The following CIB4 variants were observed in gnomAD, a reference collection of about 807,000 sequenced individuals.
CIB4 encodes calcium and integrin binding family member 4.
Under a neutral mutation model 25.8 loss-of-function variants are expected in CIB4, and 25 were observed. That is an observed-to-expected ratio of 0.97 (90% CI 0.71 to 1.35). The LOEUF (loss-of-function observed/expected upper bound fraction) is 1.35. Ranked by LOEUF, CIB4 falls within the 40% of genes most tolerant of loss-of-function variation. The pLI, the probability that CIB4 is intolerant of heterozygous loss-of-function variation, is 0.00. For missense variants in CIB4, 235 were observed against 228.2 expected (o/e 1.03, Z -0.19); for synonymous variants, 75 against 81.4 (o/e 0.92, Z 0.42).
intron 4 of CIB4, among the ~76,000 whole-genome samples, chr2:26,585,988 G>A (rs937366730): frequency 6.6e-6 from 1 of 151,986 alleles, no homozygotes; most frequent in African/African-American, 2.4e-5. Context: ...TCTCTCCCTT[G>A]CACCCCACAG....
rs750414943 is a variant in CIB4, at chr2:26,600,114, C to T, written c.187-4797G>A. Among the ~76,000 whole-genome samples, 3 of 139,078 alleles carry T rather than the reference C, an allele frequency of 2.2e-5. 1 individual carries two copies. The highest frequency in any genetic ancestry group is 4.6e-5 in the Non-Finnish European group (3 of 65,126). 91.2% of individuals were successfully genotyped at this position (139,078 alleles called of 152,430 possible). A position where few individuals can be genotyped will look rare whatever the true frequency, so the allele number is the denominator to read the frequency against. ...ATATGATTAATGTTTATTGACTGGG[C>T]GCAGTGGCTGCTAGGCATGGTGGCT... On this transcript the variant is annotated intron_variant, in intron 3 of 6. Coordinates refer to ENST00000288861, the MANE Select transcript of CIB4 (RefSeq NM_001029881.3).
intron 3 of CIB4, among the ~76,000 whole-genome samples, chr2:26,626,091 A>C (rs1327184641): frequency 6.6e-6 from 1 of 152,186 alleles, no homozygotes; most frequent in Non-Finnish European, 1.5e-5. Flanking sequence ...CCATTGGTCT[A>C]CATGTCTGTT....
At chr2:26,624,498 C>T (rs1669262363) in intron 3 of CIB4, among the ~76,000 whole-genome samples, 1 of 152,174 alleles carries the variant, frequency 6.6e-6, no homozygotes, top group Non-Finnish European at 1.5e-5. Flanking sequence ...CAACAGGTGA[C>T]AAACGGAGAA....
At chr2:26,617,355 C>A (rs1022277324) in intron 3 of CIB4, among the ~76,000 whole-genome samples, 1 of 152,130 alleles carries the variant, frequency 6.6e-6, no homozygotes, top group Non-Finnish European at 1.5e-5. Flanking sequence ...ACCCTTATTT[C>A]CTGTAGCCAC....
At chr2:26,631,310 A>G (rs527810497) in intron 2 of CIB4, among the ~76,000 whole-genome samples, 3 of 152,242 alleles carry the variant, frequency 2.0e-5, no homozygotes, top group African/African-American at 7.2e-5. Flanking sequence ...CCCCATTTCT[A>G]CAAAAAAATT....
At chr2:26,629,536 C>T (rs1458612060) in intron 2 of CIB4, 30 bp from the exon 3 acceptor site, 1 of 1,472,816 alleles carries the variant, frequency 6.8e-7, no homozygotes. Context: ...GACCGTGTGG[C>T]CGGGGAAAGG....
chr2:26,623,687 C>A, intron 3 of CIB4: 1 of 368,462 alleles, frequency 2.7e-6, no homozygotes, highest in South Asian at 2.2e-5. Flanking sequence ...CGGGTCTATG[C>A]GAAGACCATC....
Position 26,599,289 on chromosome 2 carries a change from T to C in CIB4, c.187-3972A>G, listed in dbSNP as rs563159559. Among the ~76,000 whole-genome samples the C allele has an allele frequency of 2.6e-5, 4 of 152,240 alleles. No individual in the cohort carries two copies. The South Asian group carries it at 8.3e-4, about 32-fold the overall frequency. ...CCATTTATACGTGATGAAACTAAAG[T>C]AGATGAAAATAAACCCCAAATTCTG... On this transcript the variant is annotated intron_variant, in intron 3 of 6. Coordinates refer to ENST00000288861, the MANE Select transcript of CIB4 (RefSeq NM_001029881.3).
rs184012481 is a variant in CIB4, at chr2:26,593,382, A to G, written c.328+1794T>C. On this transcript the variant is annotated intron_variant, in intron 4 of 6. Transcript: ENST00000288861. ...TATACATATATACACACGCACACAT[A>G]TACACACACACATATATACACACAC... Among the ~76,000 whole-genome samples the G allele has an allele frequency of 5.8e-4, 88 of 152,012 alleles. 1 individual carries two copies. In the East Asian group the frequency reaches 0.012, roughly 20 times the overall value.
chr2:26,628,839 C>T (rs532083986), intron 3 of CIB4, among the ~76,000 whole-genome samples: 2 of 152,128 alleles, frequency 1.3e-5, no homozygotes, highest in Admixed American at 6.5e-5. Context: ...GGGACTGGGC[C>T]GATGGCTAGG....
At chr2:26,606,939 G>T (rs1216064937) in intron 3 of CIB4, among the ~76,000 whole-genome samples, 1 of 152,202 alleles carries the variant, frequency 6.6e-6, no homozygotes, top group African/African-American at 2.4e-5. Flanking sequence ...AAGAAAGGCA[G>T]TAAAAATGTT....
chr2:26,623,772 C>T (rs1669249527), intron 3 of CIB4: 1 of 294,724 alleles, frequency 3.4e-6, no homozygotes, highest in Non-Finnish European at 7.0e-6. Context: ...GTGCAGGCCT[C>T]CACCCTACCT....
chr2:26,617,470 A>G (rs1669116293), intron 3 of CIB4, among the ~76,000 whole-genome samples: 4 of 152,102 alleles, frequency 2.6e-5, no homozygotes, highest in African/African-American at 9.7e-5. Flanking sequence ...TCATCTGTAG[A>G]ATGGGGAGAT....
chr2:26,640,102 A>G (rs1452767256), intron 2 of CIB4, among the ~76,000 whole-genome samples: 8 of 74,298 alleles, frequency 1.1e-4, no homozygotes, highest in African/African-American at 4.1e-4. Context: ...GAGAAAGGGC[A>G]GGGAGGGAGG....
intron 3 of CIB4, among the ~76,000 whole-genome samples, chr2:26,604,031 GA>G (rs1041514320): frequency 2.0e-4 from 30 of 146,938 alleles, no homozygotes; most frequent in Non-Finnish European, 3.4e-4. Flanking sequence ...AAAGAAATAT[GA>G]AGAAAACTAC....
At chr2:26,620,489 ACGT>A in intron 3 of CIB4, among the ~76,000 whole-genome samples, 1 of 151,698 alleles carries the variant, frequency 6.6e-6, no homozygotes, top group East Asian at 1.9e-4. Flanking sequence ...TCCACGGGGG[ACGT>A]CAGACATGGT....
chr2:26,593,070 C>T lies in CIB4; in HGVS notation c.328+2106G>A, dbSNP rs535385796. ...ATTGTTCCATCCATGGAGGGTCCAA[C>T]GAACAAAAAGGTGGGGGAAGGATGA... On this transcript the variant is annotated intron_variant, in intron 4 of 6. Transcript: ENST00000288861. Among the ~76,000 whole-genome samples the T allele has an allele frequency of 1.8e-4, 27 of 152,220 alleles. No individual in the cohort carries two copies. The South Asian group carries it at 4.6e-3, about 26-fold the overall frequency.
At chr2:26,597,564 T>C (rs982222981) in intron 3 of CIB4, among the ~76,000 whole-genome samples, 1 of 152,116 alleles carries the variant, frequency 6.6e-6, no homozygotes, top group African/African-American at 2.4e-5. Context: ...ATGTAAACAA[T>C]AGCATAGTGT....
intron 2 of CIB4, among the ~76,000 whole-genome samples, chr2:26,633,713 T>C (rs1669478159): frequency 6.6e-6 from 1 of 152,188 alleles, no homozygotes; most frequent in South Asian, 2.1e-4. Flanking sequence ...CAAAGCCATT[T>C]GAAAAACTCA....
Sources: gnomAD v4.1 joint callset for allele counts (sites outside exome capture counted in the v4.1 genomes callset) on GRCh38, gnomAD v4.1.1 for gene constraint, MANE v1.5 for transcripts, NCBI Gene and HGNC (gene_info 2026-07-23, HGNC 2026-07-21) for gene names.